The following KAT6B variants were observed in gnomAD, a reference collection of about 807,000 sequenced individuals.
KAT6B encodes the protein lysine acetyltransferase 6B, also known as histone acetyltransferase KAT6B.
A neutral mutation model predicts 187.5 loss-of-function variants in KAT6B; 10 were observed. The ratio of observed to expected loss-of-function variants is 0.05; its 90% confidence interval spans 0.03 to 0.09. The LOEUF (loss-of-function observed/expected upper bound fraction) is 0.09, where lower values mean the gene tolerates loss of function less well. Ranked by LOEUF, KAT6B falls within the 10% of genes least tolerant of loss-of-function variation. The probability of loss-of-function intolerance (pLI) is 1.00; values close to 1 mark genes in which losing one functional copy is unlikely to be tolerated. For synonymous variants in KAT6B, 861 were observed against 926.8 expected, an observed-to-expected ratio of 0.93 and a Z score of 1.29; for missense variants, 1,952 against 2,558.9, an observed-to-expected ratio of 0.76 and a Z score of 5.12.
chr10:74,860,517 C>T (rs992625206), intron 3 of KAT6B, among the ~76,000 whole-genome samples: 65 of 152,248 alleles, frequency 4.3e-4, no homozygotes, highest in African/African-American at 1.4e-3. Flanking sequence ...CAAGAGTACA[C>T]AGGAAGTATT....
At chr10:74,913,940 C>G (rs904176469) in intron 3 of KAT6B, among the ~76,000 whole-genome samples, 1 of 152,262 alleles carries the variant, frequency 6.6e-6, no homozygotes, top group East Asian at 1.9e-4. Context: ...AATCCTAGCA[C>G]TTTGGGAGGG....
At chr10:75,025,552 C>T in intron 17 of KAT6B, 1 of 322,106 alleles carries the variant, frequency 3.1e-6, no homozygotes, top group East Asian at 5.9e-5. Flanking sequence ...CATTACATTT[C>T]TTTGATTCTA....
At chr10:75,026,665 C>T (rs371005180) in intron 17 of KAT6B, among the ~76,000 whole-genome samples, 1 of 151,668 alleles carries the variant, frequency 6.6e-6, no homozygotes, top group African/African-American at 2.4e-5. Context: ...CTGCAGTGAG[C>T]GATCATTTTG....
chr10:74,855,431 TAAG>T (rs1842755845), intron 3 of KAT6B, among the ~76,000 whole-genome samples: 1 of 152,172 alleles, frequency 6.6e-6, no homozygotes, highest in Non-Finnish European at 1.5e-5. Context: ...AAGAGAAACA[TAAG>T]AACATATTAA....
Position 75,025,196 on chromosome 10 carries a change from A to C in KAT6B, c.3611A>C (p.Glu1204Ala). ...QHQPGKKRQT[E>A]EEEGKDNHCF... ...CAGCCTGGGAAGAAAAGACAAACAG[A>C]GGAAGAGGAAGGAAAAGACAATCAT... Residue 1204 changes from glutamate to alanine, a missense_variant, in exon 17 of 18, where the codon GAG becomes GCG. Glu to Ala is a moderately radical substitution (Grantham distance 107, BLOSUM62 -1). Coordinates refer to ENST00000287239, the MANE Select transcript of KAT6B (RefSeq NM_012330.4). 1 of 1,614,216 alleles carries C rather than the reference A, an allele frequency of 6.2e-7. No individual in the cohort carries two copies. Among genetic ancestry groups the C allele is most frequent in the South Asian group, 1.1e-5 (1 of 91,084 alleles).
At chr10:74,949,754 G>T (rs1200178377) in intron 3 of KAT6B, among the ~76,000 whole-genome samples, 2 of 152,162 alleles carry the variant, frequency 1.3e-5, no homozygotes, top group Non-Finnish European at 2.9e-5. Context: ...TTCCCACTGT[G>T]TGGTCATTTA....
Position 74,981,944 on chromosome 10 carries a change from T to G in KAT6B, c.2373+16T>G, listed in dbSNP as rs1419701746. 6.2e-7 allele frequency: 1 copy of G among 1,612,580 alleles called. No homozygotes were observed. Among genetic ancestry groups the G allele is most frequent in the African/African-American group, 1.3e-5 (1 of 74,886 alleles). Reference sequence around the variant, plus strand: ...AGTATTTGAGGTAAGCGCGTGTAAATAAAAAAATTCAGCTTTTTGAAATCT... The same window carrying G: ...AGTATTTGAGGTAAGCGCGTGTAAAGAAAAAAATTCAGCTTTTTGAAATCT... On this transcript the variant is annotated intron_variant, in intron 11 of 17. Coordinates refer to ENST00000287239, the MANE Select transcript of KAT6B (RefSeq NM_012330.4).
chr10:74,869,197 G>A (rs1453682248), intron 3 of KAT6B, among the ~76,000 whole-genome samples: 1 of 151,908 alleles, frequency 6.6e-6, no homozygotes, highest in East Asian at 1.9e-4. Context: ...ATTTGTTTAT[G>A]CGCGTGTCCT....
chr10:74,877,841 T>C (rs1844534715), intron 3 of KAT6B, among the ~76,000 whole-genome samples: 1 of 152,154 alleles, frequency 6.6e-6, no homozygotes, highest in Non-Finnish European at 1.5e-5. Flanking sequence ...GTTCTAATCC[T>C]ATGTTATCAT....
intron 3 of KAT6B, among the ~76,000 whole-genome samples, chr10:74,936,405 A>C (rs1041798686): frequency 6.6e-6 from 1 of 150,990 alleles, no homozygotes; most frequent in Admixed American, 6.6e-5. Flanking sequence ...TCCATCTCAA[A>C]AAAAAAAAAA....
At position 74,842,826 on chromosome 10, in the gene KAT6B, A is replaced by G. The variant is rs1589451679; in HGVS notation, c.-32A>G. The G allele has an allele frequency of 1.2e-6, 2 of 1,612,320 alleles. No individual in the cohort carries two copies. On this transcript the variant is annotated 5_prime_UTR_variant, in exon 3 of 18. It removes the in-frame stop codon of an upstream open reading frame in the 5' UTR. Coordinates refer to ENST00000287239, the MANE Select transcript of KAT6B (RefSeq NM_012330.4). ...AAATACAAAGAGAACCTCTATGGGT[A>G]ACTTTTGTGTTGAAGAAGTCATTTG...
intron 3 of KAT6B, among the ~76,000 whole-genome samples, chr10:74,886,080 G>A (rs1289889981): frequency 1.3e-5 from 2 of 152,148 alleles, no homozygotes; most frequent in African/African-American, 2.4e-5. Context: ...ATGCCAACTG[G>A]GTTATCATCA....
chr10:74,992,200 A>T (rs115122673), intron 13 of KAT6B, among the ~76,000 whole-genome samples: 253 of 152,282 alleles, frequency 1.7e-3, no homozygotes, highest in African/African-American at 5.9e-3. Context: ...TATAATTGCC[A>T]GTTTAGTAAG....
chr10:74,870,681 C>T (rs145406024), intron 3 of KAT6B, among the ~76,000 whole-genome samples: 4 of 151,836 alleles, frequency 2.6e-5, no homozygotes, highest in East Asian at 1.9e-4. Context: ...TGGGTTCAGG[C>T]GATTCTCCTG....
intron 4 of KAT6B, among the ~76,000 whole-genome samples, chr10:74,966,922 C>G (rs986302058): frequency 1.3e-5 from 2 of 151,928 alleles, no homozygotes; most frequent in South Asian, 2.1e-4. Flanking sequence ...CCCAGCTACT[C>G]GAGAGGCTGA....
Position 75,028,791 on chromosome 10 carries a change from G to A in KAT6B, c.3967G>A (p.Glu1323Lys). ...TGGGGAAGCCCTGTTGCCTCAAGAGGAAAACAGAAGGGAAGAAACATGTGC... is the reference window on the plus strand; with the variant it reads ...TGGGGAAGCCCTGTTGCCTCAAGAGAAAAACAGAAGGGAAGAAACATGTGC... ...ETGEALLPQE[E>K]NRREETCAPV... The change falls in exon 18 of 18, where the codon GAA (glutamate) becomes AAA (lysine). Residue 1323 changes from glutamate (E) to lysine (K), a missense_variant. Glu to Lys is a moderately conservative substitution (Grantham distance 56). Coordinates refer to ENST00000287239, the MANE Select transcript of KAT6B (RefSeq NM_012330.4). 2 of 1,614,066 alleles carry A rather than the reference G, an allele frequency of 1.2e-6. No homozygotes were observed. Among genetic ancestry groups the A allele is most frequent in the Non-Finnish European group, 1.7e-6 (2 of 1,180,034 alleles).
At chr10:74,982,688 A>G (rs953500604) in intron 11 of KAT6B, 1 of 152,230 alleles carries the variant, frequency 6.6e-6, no homozygotes, top group Non-Finnish European at 1.5e-5. Flanking sequence ...TTTCTCCTTT[A>G]TGCTCTTCCC....
chr10:75,021,043 T>C, intron 14 of KAT6B, 83 bp from the exon 15 acceptor site: 1 of 1,333,472 alleles, frequency 7.5e-7, no homozygotes, highest in Non-Finnish European at 1.1e-6. Context: ...CAGATAACAT[T>C]AGTGCTAGCA....
intron 12 of KAT6B, among the ~76,000 whole-genome samples, chr10:74,988,609 GATT>G (rs1299523091): frequency 6.6e-6 from 1 of 152,184 alleles, no homozygotes; most frequent in Non-Finnish European, 1.5e-5. Flanking sequence ...CAGAGTTGTA[GATT>G]ATTATTATAT....
Sources: allele counts gnomAD v4.1 joint callset (sites outside exome capture counted in the v4.1 genomes callset), GRCh38; gene constraint gnomAD v4.1.1; transcripts MANE v1.5; gene names NCBI Gene and HGNC (gene_info 2026-07-23, HGNC 2026-07-21).